PRUNE2: variants seen among roughly 807,000 people sequenced by gnomAD.
PRUNE2 encodes the protein prune homolog 2 with BCH domain.
PRUNE2 carries 164 observed loss-of-function variants against 252.0 expected under a neutral mutation model. That is an observed-to-expected ratio of 0.65 (90% CI 0.57 to 0.74). PRUNE2 has a LOEUF of 0.74. Among genes scored for constraint, PRUNE2 ranks in the 30% least tolerant of loss-of-function variants. The pLI is 0.00. For synonymous variants in PRUNE2, 1,292 were observed against 1,350.2 expected (o/e 0.96, Z 0.94); for missense variants, 3,495 against 3,711.0 (o/e 0.94, Z 1.51).
At chr9:76,830,553 G>A (rs748405773) in intron 4 of PRUNE2, among the ~76,000 whole-genome samples, 7 of 151,386 alleles carry the variant, frequency 4.6e-5, no homozygotes, top group African/African-American at 1.7e-4. Context: ...TCTGGAGGCT[G>A]ACACACAAGA....
intron 17 of PRUNE2, among the ~76,000 whole-genome samples, chr9:76,622,619 C>T (rs1276802077): frequency 6.6e-6 from 1 of 152,128 alleles, no homozygotes; most frequent in East Asian, 1.9e-4. Flanking sequence ...ACTGAGCGTT[C>T]TCTCTCTCTA....
intron 9 of PRUNE2, among the ~76,000 whole-genome samples, chr9:76,686,868 G>A (rs1010569635): frequency 1.3e-5 from 2 of 152,176 alleles, no homozygotes; most frequent in African/African-American, 4.8e-5. Flanking sequence ...GAGTAAGTGG[G>A]ACCACAGGTG....
chr9:76,670,298 C>G (rs1459479125), intron 9 of PRUNE2, among the ~76,000 whole-genome samples: 4 of 151,900 alleles, frequency 2.6e-5, no homozygotes, highest in Admixed American at 1.3e-4. Flanking sequence ...ACGGACGGCA[C>G]CTGGAAAATC....
chr9:76,849,610 G>C (rs1277792688), intron 3 of PRUNE2, among the ~76,000 whole-genome samples: 1 of 152,146 alleles, frequency 6.6e-6, no homozygotes, highest in Non-Finnish European at 1.5e-5. Context: ...CGGATCACTT[G>C]AGGTCAGGAG....
chr9:76,756,548 C>A (rs566474186), intron 6 of PRUNE2, among the ~76,000 whole-genome samples: 1 of 152,340 alleles, frequency 6.6e-6, no homozygotes, highest in South Asian at 2.1e-4. Context: ...AGAACAGCTG[C>A]ATTCTCTTTG....
chr9:76,752,121 G>T (rs529030845), intron 6 of PRUNE2, among the ~76,000 whole-genome samples: 2 of 147,746 alleles, frequency 1.4e-5, no homozygotes, highest in South Asian at 4.3e-4. Flanking sequence ...TTTTTGAGAC[G>T]GAGTCTCACT....
chr9:76,620,012 T>C (rs1831466329), intron 17 of PRUNE2, among the ~76,000 whole-genome samples: 1 of 152,248 alleles, frequency 6.6e-6, no homozygotes, highest in South Asian at 2.1e-4. Context: ...ATGGCATTTA[T>C]GTTTTTTGTG....
At chr9:76,896,002 C>T (rs1440029992) in intron 1 of PRUNE2, among the ~76,000 whole-genome samples, 1 of 152,156 alleles carries the variant, frequency 6.6e-6, no homozygotes, top group African/African-American at 2.4e-5. Flanking sequence ...GTCTTGAATT[C>T]CTGGCCTCAA....
intron 1 of PRUNE2, among the ~76,000 whole-genome samples, chr9:76,864,616 A>G (rs2060735240): frequency 6.6e-6 from 1 of 152,228 alleles, no homozygotes; most frequent in African/African-American, 2.4e-5. Context: ...TATTTGCATA[A>G]TAGTTGTACC....
chr9:76,713,044 C>A (rs147754345), intron 7 of PRUNE2, among the ~76,000 whole-genome samples: 3 of 152,116 alleles, frequency 2.0e-5, no homozygotes, highest in Admixed American at 2.0e-4. Context: ...CTTGGTATAT[C>A]CGATGGCCTA....
At chr9:76,797,816 A>G (rs1394286612) in intron 6 of PRUNE2, among the ~76,000 whole-genome samples, 1 of 152,208 alleles carries the variant, frequency 6.6e-6, no homozygotes, top group Non-Finnish European at 1.5e-5. Flanking sequence ...TGTTTTAAAC[A>G]GAAGTCCTGA....
intron 4 of PRUNE2, among the ~76,000 whole-genome samples, chr9:76,841,492 G>T (rs2132355127): frequency 6.6e-6 from 1 of 152,312 alleles, no homozygotes; most frequent in African/African-American, 2.4e-5. Flanking sequence ...TGGAAAGGGG[G>T]CTGAAGCCAA....
Position 76,849,010 on chromosome 9 carries a change from T to C in PRUNE2, c.344+1453A>G, listed in dbSNP as rs144811204. 9.1e-3 allele frequency among the ~76,000 whole-genome samples: 1,378 copies of C among 152,264 alleles called. 13 individuals are homozygous for C. The highest frequency in any genetic ancestry group is 0.065 in the Middle Eastern group (19 of 294). The stretch of plus-strand genomic sequence containing the variant: ...TGCAGCCTCAACCTCCCAGGCTCAA[T>C]TGATCCTTTCACCTCAGCCTCCTGA... On this transcript the variant is annotated intron_variant, in intron 3 of 18. Transcript: ENST00000376718.
chr9:76,843,087 T>C (rs1423485316), intron 4 of PRUNE2, among the ~76,000 whole-genome samples: 1 of 152,112 alleles, frequency 6.6e-6, no homozygotes, highest in Admixed American at 6.6e-5. Flanking sequence ...CCATCAATGA[T>C]AGACTGGATA....
intron 12 of PRUNE2, among the ~76,000 whole-genome samples, chr9:76,640,990 C>T (rs987739264): frequency 2.6e-5 from 4 of 152,026 alleles, no homozygotes; most frequent in Non-Finnish European, 2.9e-5. Context: ...AAATTTTTTT[C>T]GAAAGGGAAA....
At chr9:76,893,962 A>G (rs957490576) in intron 1 of PRUNE2, among the ~76,000 whole-genome samples, 2 of 152,204 alleles carry the variant, frequency 1.3e-5, no homozygotes, top group African/African-American at 4.8e-5. Context: ...GGTCTTGCAA[A>G]GCAGATTCAT....
At chr9:76,641,882 C>T in intron 12 of PRUNE2, 1 of 1,472,788 alleles carries the variant, frequency 6.8e-7, no homozygotes, top group Non-Finnish European at 9.0e-7. Flanking sequence ...ACAGTCGCAA[C>T]CAAAACATAC....
chr9:76,799,566 A>T (rs1207419825), intron 6 of PRUNE2, among the ~76,000 whole-genome samples: 2 of 152,168 alleles, frequency 1.3e-5, no homozygotes, highest in Non-Finnish European at 2.9e-5. Context: ...TAAGTTAAAC[A>T]TAAAAAGTGC....
intron 6 of PRUNE2, chr9:76,738,562 AT>A (rs1357279977): frequency 6.6e-6 from 1 of 152,202 alleles, no homozygotes; most frequent in Non-Finnish European, 1.5e-5. Flanking sequence ...ATAAGAGATA[AT>A]TTGTTTGGAG....
Sources: allele counts gnomAD v4.1 joint callset (sites outside exome capture counted in the v4.1 genomes callset), GRCh38; gene constraint gnomAD v4.1.1; transcripts MANE v1.5; gene names NCBI Gene and HGNC (gene_info 2026-07-23, HGNC 2026-07-21).